Variants in EPB41L4B observed in about 807,000 individuals in gnomAD.
EPB41L4B encodes the protein band 4.1-like protein 4B.
EPB41L4B carries 30 observed loss-of-function variants against 112.5 expected under a neutral mutation model. That is an observed-to-expected ratio of 0.27 (90% CI 0.20 to 0.36). The LOEUF (loss-of-function observed/expected upper bound fraction) is 0.36. Ranked by LOEUF, EPB41L4B falls within the 10% of genes least tolerant of loss-of-function variation. EPB41L4B has a pLI of 1.00. For missense variants in EPB41L4B, 1,024 were observed against 1,133.3 expected (o/e 0.90, Z 1.38); for synonymous variants, 408 against 439.7 (o/e 0.93, Z 0.90).
intron 16 of EPB41L4B, among the ~76,000 whole-genome samples, chr9:109,216,641 CCATCTCAA>C (rs1444729650): frequency 1.0e-5 from 1 of 95,924 alleles, no homozygotes; most frequent in Non-Finnish European, 2.0e-5. Context: ...ACTCCAGACT[CCATCTCAA>C]AAAAAAAAAA....
Position 109,295,982 on chromosome 9 carries a change from T to C in EPB41L4B, c.307-16061A>G, listed in dbSNP as rs557612756. On this transcript the variant is annotated intron_variant, in intron 1 of 25. Transcript: ENST00000374566. ...ATGATGGATGTCTCTGTGCCAGAGGTTGAATTTGAAACAAGCTGCTGGAAG... is the reference window on the plus strand; with the variant it reads ...ATGATGGATGTCTCTGTGCCAGAGGCTGAATTTGAAACAAGCTGCTGGAAG... 6.6e-5 allele frequency among the ~76,000 whole-genome samples: 10 copies of C among 152,258 alleles called. No individual in the cohort carries two copies. In the South Asian group the frequency reaches 1.2e-3, roughly 19 times the overall value.
At chr9:109,196,280 T>C (rs1266671714) in intron 20 of EPB41L4B, 1 of 152,152 alleles carries the variant, frequency 6.6e-6, no homozygotes, top group African/African-American at 2.4e-5. Flanking sequence ...ATGAGTCCAA[T>C]TTTAGTATAT....
In EPB41L4B at chr9:109,278,299, G is replaced by A. The variant is rs80190959; in HGVS notation, c.411+1518C>T. Among the ~76,000 whole-genome samples, 1,201 of 152,230 alleles carry A rather than the reference G, an allele frequency of 7.9e-3. 23 individuals are homozygous for A. Among genetic ancestry groups the A allele is most frequent in the East Asian group, 0.049 (251 of 5,172 alleles). On this transcript the variant is annotated intron_variant, in intron 2 of 25. Transcript: ENST00000374566. ...GGGGTGGGGTGGGGTGGCATAACAG[G>A]ACGTCCTGAAGATGCAGAGGAAGTG... is the stretch of plus-strand genomic sequence containing the variant.
chr9:109,304,906 C>G (rs915962883), intron 1 of EPB41L4B, among the ~76,000 whole-genome samples: 2 of 152,078 alleles, frequency 1.3e-5, no homozygotes, highest in African/African-American at 4.8e-5. Context: ...GACGGCTCAA[C>G]AGGTAGAGGG....
intron 1 of EPB41L4B, among the ~76,000 whole-genome samples, chr9:109,292,013 C>T (rs1409880950): frequency 1.3e-5 from 2 of 152,216 alleles, no homozygotes; most frequent in Non-Finnish European, 2.9e-5. Context: ...GCGCTCATTT[C>T]TTCCTTTAAC....
At position 109,249,154 on chromosome 9, in the gene EPB41L4B, T is replaced by C. The variant is rs985557033; in HGVS notation, c.1311-1365A>G. On this transcript the variant is annotated intron_variant, in intron 13 of 25. Transcript: ENST00000374566. The stretch of plus-strand genomic sequence containing the variant: ...GAGGTGTGCTTGAAATCAAGTGTTA[T>C]TGCTGGCTTCTCCAACACTGAGAGG... 4.6e-5 allele frequency among the ~76,000 whole-genome samples: 7 copies of C among 151,920 alleles called. No homozygotes were observed. The South Asian group carries it at 8.3e-4, about 18-fold the overall frequency.
At chr9:109,276,421 A>G (rs1247521596) in intron 2 of EPB41L4B, among the ~76,000 whole-genome samples, 2 of 152,212 alleles carry the variant, frequency 1.3e-5, no homozygotes, top group African/African-American at 2.4e-5. Context: ...TGCAGGCATC[A>G]TAAGACCCAG....
chr9:109,268,781 C>A (rs2119087267), intron 2 of EPB41L4B, among the ~76,000 whole-genome samples: 1 of 151,286 alleles, frequency 6.6e-6, no homozygotes, highest in South Asian at 2.1e-4. Flanking sequence ...CCTGTAGTCC[C>A]AGCTACATGG....
intron 13 of EPB41L4B, among the ~76,000 whole-genome samples, chr9:109,248,384 C>T (rs1467332008): frequency 6.6e-6 from 1 of 152,200 alleles, no homozygotes; most frequent in African/African-American, 2.4e-5. Context: ...CACGACAAGG[C>T]TATGAGGTCA....
chr9:109,185,446 T>A (rs1343665266), intron 23 of EPB41L4B, 43 bp downstream of exon 23: 7 of 1,571,900 alleles, frequency 4.5e-6, no homozygotes, highest in Non-Finnish European at 6.1e-6. Context: ...CCTGCCCACC[T>A]CACCTCTCCT....
intron 18 of EPB41L4B, among the ~76,000 whole-genome samples, chr9:109,206,247 A>T (rs1832989057): frequency 6.6e-6 from 1 of 152,180 alleles, no homozygotes; most frequent in African/African-American, 2.4e-5. Context: ...GCAGTGGAGC[A>T]ATCTCTGCTC....
chr9:109,190,896 C>T (rs1198918846), intron 22 of EPB41L4B, among the ~76,000 whole-genome samples: 1 of 152,166 alleles, frequency 6.6e-6, no homozygotes, highest in African/African-American at 2.4e-5. Flanking sequence ...TCACCCTTGC[C>T]TCCCTCTACT....
rs573542969 is a variant in EPB41L4B, at chr9:109,183,684, C to T, written c.2419-887G>A. Among the ~76,000 whole-genome samples the T allele has an allele frequency of 7.0e-4, 107 of 152,324 alleles. 4 individuals are homozygous for T. The South Asian group carries it at 0.022, about 31-fold the overall frequency. ...CACATTCCTGGGGGACAGAAACTGT[C>T]TGCACACCTGCTGGTGAATGCATAC... On this transcript the variant is annotated intron_variant, in intron 23 of 25. Transcript: ENST00000374566.
intron 1 of EPB41L4B, among the ~76,000 whole-genome samples, chr9:109,286,177 A>G (rs934154800): frequency 1.3e-5 from 2 of 149,682 alleles, no homozygotes; most frequent in Admixed American, 1.3e-4. Context: ...GGATGGATGG[A>G]TGGATGGATG....
Position 109,279,430 on chromosome 9 carries a change from T to A in EPB41L4B, c.411+387A>T, listed in dbSNP as rs150809209. ...TGGAGTTTCACCTTGTTGCCCAGGC[T>A]GGTTTTGAACTCCTGGACTCAAGCA... On this transcript the variant is annotated intron_variant, in intron 2 of 25. Coordinates refer to ENST00000374566, the MANE Select transcript of EPB41L4B (RefSeq NM_019114.5). Among the ~76,000 whole-genome samples, 666 of 152,262 alleles carry A rather than the reference T, an allele frequency of 4.4e-3. 7 individuals are homozygous for A. Among genetic ancestry groups the A allele is most frequent in the African/African-American group, 0.015 (627 of 41,560 alleles).
intron 15 of EPB41L4B, among the ~76,000 whole-genome samples, chr9:109,227,908 T>C (rs1384020459): frequency 6.6e-6 from 1 of 152,190 alleles, no homozygotes; most frequent in Non-Finnish European, 1.5e-5. Flanking sequence ...AATGACTAGA[T>C]GGATATACAA....
chr9:109,294,253 C>T lies in EPB41L4B; in HGVS notation c.307-14332G>A, dbSNP rs920898210. Reference sequence around the variant, plus strand: ...TCAGGAGGTGAAGCTTGCAGTGAGCCGAGATCACGCCACTGCACTCCAGCC... The same window carrying T: ...TCAGGAGGTGAAGCTTGCAGTGAGCTGAGATCACGCCACTGCACTCCAGCC... On this transcript the variant is annotated intron_variant, in intron 1 of 25. Coordinates refer to ENST00000374566, the MANE Select transcript of EPB41L4B (RefSeq NM_019114.5). 4.7e-5 allele frequency among the ~76,000 whole-genome samples: 7 copies of T among 148,284 alleles called. No homozygotes were observed. In the East Asian group the frequency reaches 1.0e-3, roughly 21 times the overall value.
At chr9:109,276,101 GTATC>G (rs902603409) in intron 2 of EPB41L4B, among the ~76,000 whole-genome samples, 22 of 146,552 alleles carry the variant, frequency 1.5e-4, no homozygotes, top group African/African-American at 5.5e-4. Flanking sequence ...TTATATATGT[GTATC>G]TATATACACA....
chr9:109,268,081 T>C (rs1220824615), intron 3 of EPB41L4B, among the ~76,000 whole-genome samples: 1 of 152,204 alleles, frequency 6.6e-6, no homozygotes, highest in Non-Finnish European at 1.5e-5. Flanking sequence ...ATGTTGTAAC[T>C]CATTAGAAGT....
Sources: gnomAD v4.1 joint callset for allele counts (sites outside exome capture counted in the v4.1 genomes callset) on GRCh38, gnomAD v4.1.1 for gene constraint, MANE v1.5 for transcripts, NCBI Gene and HGNC (gene_info 2026-07-23, HGNC 2026-07-21) for gene names.